Variants in RXRA observed in about 807,000 individuals in gnomAD.
The protein encoded by RXRA is retinoic acid receptor RXR-alpha.
Under a neutral mutation model 44.5 loss-of-function variants are expected in RXRA, and 5 were observed. That is an observed-to-expected ratio of 0.11 (90% CI 0.06 to 0.24). The LOEUF is 0.24. RXRA is among the 10% of genes least tolerant of loss of function. RXRA has a pLI of 1.00. For missense variants in RXRA, 412 were observed against 646.5 expected (o/e 0.64, Z 3.93); for synonymous variants, 291 against 271.4 (o/e 1.07, Z -0.71).
chr9:134,378,599 C>T (rs567522265), intron 1 of RXRA, among the ~76,000 whole-genome samples: 10 of 152,294 alleles, frequency 6.6e-5, no homozygotes, highest in African/African-American at 1.4e-4. Context: ...GGGAAGGTAC[C>T]GAAGTGGTGG....
At position 134,408,935 on chromosome 9, in the gene RXRA, C is replaced by T. The variant is rs193137714; in HGVS notation, c.431-5C>T. On this transcript the variant is annotated splice_region_variant and splice_polypyrimidine_tract_variant and intron_variant, in intron 3 of 9. Transcript: ENST00000481739. ...TCCCCAGCCCTGCTCTGCCCTGTCC[C>T]GCAGGCAAGCACTATGGAGTGTACA... The T allele has an allele frequency of 1.3e-4, 196 of 1,535,738 alleles. 2 individuals carry two copies. The East Asian group carries it at 4.0e-3, about 31-fold the overall frequency.
rs1026795581 is a variant in RXRA at position 134,414,874 on chromosome 9, G to A, written c.611-2284G>A. 3.9e-5 allele frequency among the ~76,000 whole-genome samples: 6 copies of A among 152,206 alleles called. No individual in the cohort carries two copies. The South Asian group carries it at 1.2e-3, about 31-fold the overall frequency. On this transcript the variant is annotated intron_variant, in intron 4 of 9. Coordinates refer to ENST00000481739, the MANE Select transcript of RXRA (RefSeq NM_002957.6). ...GGTGGGGTCGGCTCTATAGGCTCAG[G>A]ACCCTGTATGGAGGGTCGTGTCAGT...
intron 1 of RXRA, among the ~76,000 whole-genome samples, chr9:134,357,168 G>A (rs1830293503): frequency 6.6e-6 from 1 of 152,316 alleles, no homozygotes; most frequent in Non-Finnish European, 1.5e-5. Context: ...TGAGAAATTC[G>A]ATGGAGCAGA....
At chr9:134,378,657 C>T (rs1393835134) in intron 1 of RXRA, among the ~76,000 whole-genome samples, 2 of 152,178 alleles carry the variant, frequency 1.3e-5, no homozygotes, top group South Asian at 2.1e-4. Context: ...TAGGCTGGGT[C>T]GGCCGCTCAG....
intron 1 of RXRA, among the ~76,000 whole-genome samples, chr9:134,363,359 A>C (rs1350247257): frequency 6.6e-6 from 1 of 152,052 alleles, no homozygotes; most frequent in Non-Finnish European, 1.5e-5. Flanking sequence ...CACCCACCCC[A>C]TTTTCCTGAG....
chr9:134,399,388 CA>C (rs2119137190), intron 1 of RXRA, among the ~76,000 whole-genome samples: 1 of 152,342 alleles, frequency 6.6e-6, no homozygotes, highest in African/African-American at 2.4e-5. Context: ...TTGCAGGAAT[CA>C]GTAACATCAG....
Position 134,426,648 on chromosome 9 carries a change from C to G in RXRA, c.911-2460C>G, listed in dbSNP as rs545001527. The G allele has an allele frequency of 1.0e-5, 10 of 985,442 alleles. No homozygotes were observed. The African/African-American group carries it at 1.7e-4, about 17-fold the overall frequency. The allele number at this position is 985,442 out of a possible 1,614,324, so 61.0% of individuals were successfully genotyped here. A position where few individuals can be genotyped will look rare whatever the true frequency, so the allele number is the denominator to read the frequency against. The stretch of plus-strand genomic sequence containing the variant: ...CCCTCTGCTGGGCACACCAGAGTTT[C>G]AGAGGCGAGTCTACCCTGGTGCCTG... On this transcript the variant is annotated intron_variant, in intron 6 of 9. Coordinates refer to ENST00000481739, the MANE Select transcript of RXRA (RefSeq NM_002957.6). This position sits in a 1 kb window ranked among gnomAD's most constrained non-coding sequence, Gnocchi z 4.6.
chr9:134,396,630 G>A (rs1025661967), intron 1 of RXRA, among the ~76,000 whole-genome samples: 1 of 152,108 alleles, frequency 6.6e-6, no homozygotes. Context: ...CTTCCTCATC[G>A]CAGGCCGAGC....
intron 6 of RXRA, chr9:134,425,418 C>G: frequency 1.0e-6 from 1 of 985,192 alleles, no homozygotes; most frequent in Non-Finnish European, 1.2e-6. Context: ...TTTCAGGTTT[C>G]TCCGTCCAAC....
rs553739081 is a variant in RXRA, at chr9:134,359,561, C to T, written c.28+32902C>T. 5.4e-4 allele frequency among the ~76,000 whole-genome samples: 82 copies of T among 152,256 alleles called. No homozygotes were observed. In the Middle Eastern group the frequency reaches 0.01, roughly 19 times the overall value. On this transcript the variant is annotated intron_variant, in intron 1 of 9. Coordinates refer to ENST00000481739, the MANE Select transcript of RXRA (RefSeq NM_002957.6). ...TGCCTGCTTGGAGGGTGAGGGTGCCCGCCTGGGGAGGGCTGGAAGGGGCTA... is the reference window on the plus strand; with the variant it reads ...TGCCTGCTTGGAGGGTGAGGGTGCCTGCCTGGGGAGGGCTGGAAGGGGCTA...
chr9:134,423,350 C>T (rs1020484263), intron 6 of RXRA: 18 of 985,352 alleles, frequency 1.8e-5, no homozygotes, highest in East Asian at 1.1e-4. Context: ...GGCCCGCTAC[C>T]GCACTGTGGG....
intron 1 of RXRA, among the ~76,000 whole-genome samples, chr9:134,363,985 G>A (rs1366026502): frequency 1.3e-5 from 2 of 152,158 alleles, no homozygotes; most frequent in Non-Finnish European, 2.9e-5. Flanking sequence ...GGCATACTGG[G>A]TCCGTGCCGG....
At position 134,379,877 on chromosome 9, in the gene RXRA, A is replaced by C. The variant is rs1290400921; in HGVS notation, c.29-21755A>C. ...CCTGGGATCTGGCCTTGGCGGCTCC[A>C]GCCCCCTCTCCAGTATGGCAGAGCC... On this transcript the variant is annotated intron_variant, in intron 1 of 9. Coordinates refer to ENST00000481739, the MANE Select transcript of RXRA (RefSeq NM_002957.6). 8 of 985,192 alleles carry C rather than the reference A, an allele frequency of 8.1e-6. No individual in the cohort carries two copies. In the East Asian group the frequency reaches 7.9e-4, roughly 98 times the overall value. 61.0% of individuals were successfully genotyped at this position (985,192 alleles called of 1,614,324 possible).
intron 1 of RXRA, among the ~76,000 whole-genome samples, chr9:134,364,701 C>G (rs1453447976): frequency 6.6e-6 from 1 of 152,206 alleles, no homozygotes; most frequent in Non-Finnish European, 1.5e-5. Flanking sequence ...AAGCTGGGCT[C>G]TTCCGGGCAA....
intron 1 of RXRA, among the ~76,000 whole-genome samples, chr9:134,348,037 G>C (rs1830175830): frequency 6.6e-6 from 1 of 152,198 alleles, no homozygotes; most frequent in South Asian, 2.1e-4. Context: ...GGTGGGTCTG[G>C]TTGCAGTTAC....
chr9:134,353,136 G>A (rs1217427876), intron 1 of RXRA, among the ~76,000 whole-genome samples: 1 of 152,092 alleles, frequency 6.6e-6, no homozygotes, highest in Non-Finnish European at 1.5e-5. Context: ...GCTGGGAGGG[G>A]CAGGCCCATA....
intron 1 of RXRA, among the ~76,000 whole-genome samples, chr9:134,341,424 C>G (rs1190548653): frequency 7.2e-5 from 11 of 152,144 alleles, no homozygotes; most frequent in African/African-American, 2.7e-4. Context: ...GGAGCCGAGC[C>G]CTCCCTGCTG....
chr9:134,353,847 A>T (rs1830250874), intron 1 of RXRA, among the ~76,000 whole-genome samples: 1 of 152,188 alleles, frequency 6.6e-6, no homozygotes. Context: ...GGACTCCAGC[A>T]GCCGTACTCA....
chr9:134,341,736 A>G (rs925469210), intron 1 of RXRA, among the ~76,000 whole-genome samples: 2 of 151,984 alleles, frequency 1.3e-5, no homozygotes, highest in African/African-American at 2.4e-5. Flanking sequence ...GGGGAGCACC[A>G]TGGGGCATGC....
Sources: allele counts gnomAD v4.1 joint callset (sites outside exome capture counted in the v4.1 genomes callset), GRCh38; gene constraint gnomAD v4.1.1; non-coding constraint Gnocchi (gnomAD v3.1); transcripts MANE v1.5; gene names NCBI Gene and HGNC (gene_info 2026-07-23, HGNC 2026-07-21).